Variants in CDK5RAP2 observed in about 807,000 individuals in gnomAD.
CDK5RAP2 encodes the protein CDK5 regulatory subunit associated protein 2, also known as CDK5 regulatory subunit-associated protein 2.
Under a neutral mutation model 232.9 loss-of-function variants are expected in CDK5RAP2, and 147 were observed. The ratio of observed to expected loss-of-function variants is 0.63; its 90% CI spans 0.55 to 0.72. The LOEUF is 0.72. Among genes scored for constraint, CDK5RAP2 ranks in the 30% least tolerant of loss-of-function variants. CDK5RAP2 has a pLI of 0.00. For synonymous variants in CDK5RAP2, 833 were observed against 833.7 expected (o/e 1.00, Z 0.01); for missense variants, 2,195 against 2,231.5 (o/e 0.98, Z 0.33).
chr9:120,579,988 G>A lies in CDK5RAP2; in HGVS notation c.-10C>T. 2 of 1,595,976 alleles carry A rather than the reference G, an allele frequency of 1.3e-6. No homozygotes were observed. The highest frequency in any genetic ancestry group is 1.7e-6 in the Non-Finnish European group (2 of 1,163,904). On this transcript the variant is annotated 5_prime_UTR_variant, in exon 1 of 38. Coordinates refer to ENST00000349780, the MANE Select transcript of CDK5RAP2 (RefSeq NM_018249.6). ...ACACCAAGTCCATCATGGCTACAGA[G>A]GTGGCGACAGCGTTGGTGTCTGTGG...
intron 12 of CDK5RAP2, among the ~76,000 whole-genome samples, chr9:120,518,067 T>C: frequency 6.6e-6 from 1 of 152,050 alleles, no homozygotes; most frequent in East Asian, 1.9e-4. Flanking sequence ...AAAAAAATTG[T>C]TTTTGAAGAA....
chr9:120,545,887 A>G (rs2041822022), intron 4 of CDK5RAP2, 97 bp from the exon 5 acceptor site: 1 of 941,828 alleles, frequency 1.1e-6, no homozygotes, highest in Admixed American at 1.8e-5. Context: ...GACTGACTAC[A>G]GGATGCTTGT....
intron 1 of CDK5RAP2, 130 bp from the exon 2 acceptor site, chr9:120,572,171 G>A: frequency 4.0e-6 from 3 of 747,950 alleles, no homozygotes; most frequent in Non-Finnish European, 7.2e-6. Flanking sequence ...TACCTATGTG[G>A]CATGAAGCAC....
intron 4 of CDK5RAP2, among the ~76,000 whole-genome samples, chr9:120,549,286 T>A (rs1219942911): frequency 6.6e-6 from 1 of 152,178 alleles, no homozygotes; most frequent in Non-Finnish European, 1.5e-5. Context: ...CGCTTGCTTA[T>A]ACTATATATA....
At chr9:120,389,666 T>C in intron 37 of CDK5RAP2, 75 bp downstream of exon 37, 1 of 1,410,246 alleles carries the variant, frequency 7.1e-7, no homozygotes, top group Non-Finnish European at 1.0e-6. Flanking sequence ...CCTTCATTTT[T>C]CAAGAGGTCC....
At chr9:120,529,772 A>G (rs993936922) in intron 8 of CDK5RAP2, among the ~76,000 whole-genome samples, 1 of 152,108 alleles carries the variant, frequency 6.6e-6, no homozygotes, top group Non-Finnish European at 1.5e-5. Flanking sequence ...TCTTTAAGCA[A>G]CTCTTTATAG....
intron 36 of CDK5RAP2, among the ~76,000 whole-genome samples, chr9:120,391,364 G>A (rs971766692): frequency 2.6e-5 from 4 of 152,126 alleles, no homozygotes; most frequent in Admixed American, 6.5e-5. Context: ...GGAACACAGC[G>A]ACAAAGGACT....
At chr9:120,559,006 A>C (rs2042355349) in intron 3 of CDK5RAP2, among the ~76,000 whole-genome samples, 1 of 152,234 alleles carries the variant, frequency 6.6e-6, no homozygotes, top group Admixed American at 6.5e-5. Context: ...TGAGTGAACA[A>C]ATTAATGAAT....
At chr9:120,440,787 G>A (rs2035855559) in intron 23 of CDK5RAP2, among the ~76,000 whole-genome samples, 1 of 152,204 alleles carries the variant, frequency 6.6e-6, no homozygotes, top group Non-Finnish European at 1.5e-5. Context: ...CAGTGCCAGT[G>A]TGAGAAATAT....
chr9:120,512,335 T>C (rs2040133149), intron 12 of CDK5RAP2, among the ~76,000 whole-genome samples: 1 of 152,112 alleles, frequency 6.6e-6, no homozygotes, highest in Admixed American at 6.5e-5. Flanking sequence ...AGTGACAGAG[T>C]GAGACCCTGT....
intron 3 of CDK5RAP2, among the ~76,000 whole-genome samples, chr9:120,552,008 C>A (rs1311298934): frequency 6.6e-6 from 1 of 151,500 alleles, no homozygotes; most frequent in Admixed American, 6.6e-5. Context: ...AAAAAACAAA[C>A]AACCCCATCA....
intron 1 of CDK5RAP2, among the ~76,000 whole-genome samples, chr9:120,578,732 A>G (rs2043133985): frequency 6.6e-6 from 1 of 151,726 alleles, no homozygotes; most frequent in Non-Finnish European, 1.5e-5. Flanking sequence ...ACGCCTGGCT[A>G]ATCTTTGTAG....
intron 4 of CDK5RAP2, among the ~76,000 whole-genome samples, chr9:120,548,792 C>CA (rs776924544): frequency 2.6e-4 from 39 of 152,256 alleles, no homozygotes; most frequent in Admixed American, 4.6e-4. Context: ...AGCTCGGTGA[C>CA]AGAGTGAGAT....
chr9:120,544,453 A>T (rs1384867028), intron 5 of CDK5RAP2, among the ~76,000 whole-genome samples: 1 of 152,244 alleles, frequency 6.6e-6, no homozygotes, highest in Non-Finnish European at 1.5e-5. Context: ...GAAAATACCA[A>T]GTGTGCAAGT....
rs747030569 is a variant in CDK5RAP2 at position 120,511,735 on chromosome 9, CT to C, written c.1311+6691del. The stretch of plus-strand genomic sequence containing the variant: ...GCACTGTGAAGGATATCACAACATG[CT>C]TTTTTTTTTTTTTTTTTTTTTGAGA... On this transcript the variant is annotated intron_variant, in intron 12 of 37. Transcript: ENST00000349780. 4.0e-3 allele frequency among the ~76,000 whole-genome samples: 446 copies of C among 110,692 alleles called. 1 individual carries two copies. Among genetic ancestry groups the C allele is most frequent in the Middle Eastern group, 6.0e-3 (1 of 166 alleles). 72.6% of individuals were successfully genotyped at this position (110,692 alleles called of 152,430 possible). A position where few individuals can be genotyped will look rare whatever the true frequency, so the allele number is the denominator to read the frequency against.
At chr9:120,447,383 A>G (rs903957168) in intron 22 of CDK5RAP2, among the ~76,000 whole-genome samples, 1 of 152,210 alleles carries the variant, frequency 6.6e-6, no homozygotes, top group Admixed American at 6.5e-5. Flanking sequence ...ATTCAGGTAC[A>G]TTTTAACACA....
intron 25 of CDK5RAP2, among the ~76,000 whole-genome samples, chr9:120,428,484 C>T (rs1292507978): frequency 7.2e-5 from 11 of 152,168 alleles, no homozygotes; most frequent in East Asian, 3.9e-4. Flanking sequence ...AACACCTCTA[C>T]GCAAATAAAC....
At position 120,524,974 on chromosome 9, in the gene CDK5RAP2, GT is replaced by G. The variant is rs1178882845; in HGVS notation, c.1092+11del. 3.7e-6 allele frequency: 6 copies of G among 1,604,144 alleles called. No individual in the cohort carries two copies. The African/African-American group carries it at 6.7e-5, about 18-fold the overall frequency. On this transcript the variant is annotated intron_variant, in intron 11 of 37. Coordinates refer to ENST00000349780, the MANE Select transcript of CDK5RAP2 (RefSeq NM_018249.6). ...TCAAAGAGACAGCCACTTAAGCCAA[GT>G]GTACACTTACCTGAAATTCCTGGGT...
At chr9:120,473,379 A>C (rs2037826732) in intron 15 of CDK5RAP2, among the ~76,000 whole-genome samples, 1 of 152,224 alleles carries the variant, frequency 6.6e-6, no homozygotes, top group Admixed American at 6.5e-5. Flanking sequence ...GAGAGGGCCT[A>C]TAAGCTTTCA....
Sources: allele counts gnomAD v4.1 joint callset (sites outside exome capture counted in the v4.1 genomes callset), GRCh38; gene constraint gnomAD v4.1.1; transcripts MANE v1.5; gene names NCBI Gene and HGNC (gene_info 2026-07-23, HGNC 2026-07-21).